The following SCFD2 variants were observed in gnomAD, a reference collection of about 807,000 sequenced individuals.
SCFD2 encodes sec1 family domain containing 2.
A neutral mutation model predicts 58.9 loss-of-function variants in SCFD2; 54 were observed. The observed-to-expected ratio is 0.92, with a 90% CI of 0.74 to 1.15. The LOEUF (loss-of-function observed/expected upper bound fraction) is 1.15, where lower values mean the gene tolerates loss of function less well. SCFD2 is among the 50% of genes most tolerant of loss of function. The pLI is 0.00. For missense variants in SCFD2, 805 were observed against 836.6 expected (o/e 0.96, Z 0.47); for synonymous variants, 321 against 335.9 (o/e 0.96, Z 0.49).
At chr4:53,343,201 A>G (rs563393825) in intron 2 of SCFD2, among the ~76,000 whole-genome samples, 2 of 152,202 alleles carry the variant, frequency 1.3e-5, no homozygotes, top group South Asian at 4.1e-4. Context: ...AACAAAATTG[A>G]TAGACCGCTA....
chr4:53,173,487 G>A (rs935368607), intron 4 of SCFD2, among the ~76,000 whole-genome samples: 2 of 151,868 alleles, frequency 1.3e-5, no homozygotes, highest in African/African-American at 4.8e-5. Flanking sequence ...AGTGAGGTAA[G>A]TCTCTTGTAG....
At chr4:53,113,993 G>T (rs1425708488) in intron 5 of SCFD2, among the ~76,000 whole-genome samples, 1 of 151,960 alleles carries the variant, frequency 6.6e-6, no homozygotes, top group Admixed American at 6.6e-5. Flanking sequence ...TAGTGTAATG[G>T]TTAGGAGCCA....
At chr4:53,091,042 T>C (rs1174384865) in intron 5 of SCFD2, among the ~76,000 whole-genome samples, 2 of 152,186 alleles carry the variant, frequency 1.3e-5, no homozygotes, top group African/African-American at 2.4e-5. Context: ...TATTAATAAC[T>C]GCTATGCCAT....
At chr4:53,269,448 A>G (rs1190946332) in intron 4 of SCFD2, among the ~76,000 whole-genome samples, 1 of 152,246 alleles carries the variant, frequency 6.6e-6, no homozygotes, top group Non-Finnish European at 1.5e-5. Context: ...ATTCACAATC[A>G]TTGTGAGTAA....
At chr4:53,011,947 A>G (rs1221082053) in intron 5 of SCFD2, among the ~76,000 whole-genome samples, 3 of 152,054 alleles carry the variant, frequency 2.0e-5, no homozygotes, top group Non-Finnish European at 4.4e-5. Flanking sequence ...CTGGGAACAC[A>G]AATCTGGGGA....
At chr4:53,246,765 C>A (rs555351147) in intron 4 of SCFD2, among the ~76,000 whole-genome samples, 36 of 152,072 alleles carry the variant, frequency 2.4e-4, no homozygotes, top group African/African-American at 8.4e-4. Context: ...ACCTAGGTAA[C>A]ATCATTCTGG....
At chr4:52,961,958 T>C (rs1720861829) in intron 5 of SCFD2, among the ~76,000 whole-genome samples, 1 of 152,138 alleles carries the variant, frequency 6.6e-6, no homozygotes, top group Admixed American at 6.5e-5. Context: ...AATGACATTG[T>C]GAAAGAACTG....
At chr4:53,329,500 G>A (rs1020868240) in intron 2 of SCFD2, among the ~76,000 whole-genome samples, 9 of 149,514 alleles carry the variant, frequency 6.0e-5, no homozygotes, top group Admixed American at 6.7e-5. Flanking sequence ...CACCTCACAC[G>A]GCAGGGTATT....
chr4:53,245,525 A>T (rs1730040205), intron 4 of SCFD2, among the ~76,000 whole-genome samples: 1 of 152,214 alleles, frequency 6.6e-6, no homozygotes, highest in African/African-American at 2.4e-5. Context: ...TCATCTCAAT[A>T]GATGTAGCAT....
At chr4:53,349,549 C>T (rs1734153707) in intron 2 of SCFD2, among the ~76,000 whole-genome samples, 2 of 152,156 alleles carry the variant, frequency 1.3e-5, no homozygotes, top group African/African-American at 4.8e-5. Flanking sequence ...AGCAAAGAAA[C>T]CTGACCAAGA....
intron 3 of SCFD2, among the ~76,000 whole-genome samples, chr4:53,305,442 C>A (rs530828168): frequency 6.6e-6 from 1 of 152,044 alleles, no homozygotes. Flanking sequence ...TCAAATATTT[C>A]GTGTACAGGA....
intron 5 of SCFD2, among the ~76,000 whole-genome samples, chr4:53,141,328 T>C (rs4864447): frequency 0.97 from 147,902 of 152,262 alleles, 71,967 homozygotes; most frequent in Middle Eastern, 1. Context: ...TACATATATC[T>C]CTCTAATTGG....
chr4:53,203,580 AT>A (rs1263147582), intron 4 of SCFD2, among the ~76,000 whole-genome samples: 1 of 152,122 alleles, frequency 6.6e-6, no homozygotes, highest in Non-Finnish European at 1.5e-5. Context: ...AAAAAATAAA[AT>A]AAACTTGAAG....
At chr4:53,100,941 C>T (rs950856865) in intron 5 of SCFD2, among the ~76,000 whole-genome samples, 1 of 152,168 alleles carries the variant, frequency 6.6e-6, no homozygotes, top group Non-Finnish European at 1.5e-5. Context: ...ATGATGTTTT[C>T]GAATGAATCA....
intron 7 of SCFD2, among the ~76,000 whole-genome samples, chr4:52,896,028 A>AT: frequency 6.6e-6 from 1 of 151,988 alleles, no homozygotes; most frequent in Non-Finnish European, 1.5e-5. Flanking sequence ...TTTCTTGTAA[A>AT]TTTGTTGGAG....
At chr4:52,898,361 C>G (rs535790255) in intron 7 of SCFD2, among the ~76,000 whole-genome samples, 13 of 152,252 alleles carry the variant, frequency 8.5e-5, no homozygotes, top group African/African-American at 3.1e-4. Context: ...TGTCTTTGTT[C>G]TCATTGGTTT....
intron 5 of SCFD2, among the ~76,000 whole-genome samples, chr4:52,951,996 G>C (rs1203997447): frequency 6.6e-6 from 1 of 152,144 alleles, no homozygotes; most frequent in Admixed American, 6.6e-5. Context: ...TCTACCCCTA[G>C]GTGATCAGTA....
chr4:52,959,003 C>A (rs1431387375), intron 5 of SCFD2, among the ~76,000 whole-genome samples: 3 of 152,142 alleles, frequency 2.0e-5, no homozygotes, highest in Non-Finnish European at 2.9e-5. Flanking sequence ...ATTACACCTA[C>A]CTCACTGATT....
intron 4 of SCFD2, among the ~76,000 whole-genome samples, chr4:53,234,500 TAA>T (rs1317587453): frequency 6.6e-6 from 1 of 152,202 alleles, no homozygotes; most frequent in Non-Finnish European, 1.5e-5. Context: ...GTCAATTAAA[TAA>T]AAGTGTCTAA....
Sources: allele counts gnomAD v4.1 joint callset (sites outside exome capture counted in the v4.1 genomes callset), GRCh38; gene constraint gnomAD v4.1.1; transcripts MANE v1.5; gene names NCBI Gene and HGNC (gene_info 2026-07-23, HGNC 2026-07-21).